The following CERS4 variants were observed in gnomAD, a reference collection of about 807,000 sequenced individuals.
CERS4 encodes LAG1 homolog, ceramide synthase 4.
In CERS4, 65 loss-of-function variants were observed where a neutral mutation model predicts 51.8. That is an observed-to-expected ratio of 1.26 (90% CI 1.03 to 1.54). The LOEUF (loss-of-function observed/expected upper bound fraction) is 1.54. Among genes scored for constraint, CERS4 ranks in the 40% most tolerant of loss-of-function variants. The pLI is 0.00. For synonymous variants in CERS4, 228 were observed against 208.4 expected (o/e 1.09, Z -0.81); for missense variants, 563 against 500.4 (o/e 1.13, Z -1.19).
intron 6 of CERS4, 61 bp from the exon 7 acceptor site, chr19:8,256,175 A>G: frequency 6.5e-7 from 1 of 1,542,120 alleles, no homozygotes; most frequent in Non-Finnish European, 8.8e-7. Context: ...AAGAGACCGC[A>G]GACCCAGGGT....
At chr19:8,246,482 C>A (rs1037880623) in intron 2 of CERS4, among the ~76,000 whole-genome samples, 1 of 151,500 alleles carries the variant, frequency 6.6e-6, no homozygotes. Flanking sequence ...CACCCGAGCC[C>A]GGGAGGTCAA....
chr19:8,255,748 G>A, intron 5 of CERS4, 23 bp downstream of exon 5: 1 of 1,609,406 alleles, frequency 6.2e-7, no homozygotes, highest in Non-Finnish European at 8.5e-7. Flanking sequence ...TGGGGCTTCT[G>A]GGGTGCAGGG....
At chr19:8,248,068 C>T (rs566973651) in intron 2 of CERS4, among the ~76,000 whole-genome samples, 20 of 152,218 alleles carry the variant, frequency 1.3e-4, no homozygotes, top group East Asian at 9.7e-4. Flanking sequence ...GCTCAGGTGG[C>T]GCCTCCTTAG....
At chr19:8,241,295 C>G (rs1302296933) in intron 2 of CERS4, 1 of 152,420 alleles carries the variant, frequency 6.6e-6, no homozygotes, top group African/African-American at 2.4e-5. Context: ...CTAGCAGTAA[C>G]TATCACAGTC....
chr19:8,234,542 A>ACT (rs1968152610), intron 2 of CERS4, among the ~76,000 whole-genome samples: 2 of 54,158 alleles, frequency 3.7e-5, no homozygotes, highest in African/African-American at 1.5e-4. Flanking sequence ...CCACCATTCT[A>ACT]TTTTTTTTTT....
chr19:8,232,889 ATTTTTTTTTTT>A (rs34774744), intron 2 of CERS4, among the ~76,000 whole-genome samples: 1,761 of 59,254 alleles, frequency 0.03, 52 homozygotes, highest in African/African-American at 0.11. Flanking sequence ...TGCCTCGCTG[ATTTTTTTTTTT>A]TTTTTTTTTT....
chr19:8,245,589 G>C (rs1182056178), intron 2 of CERS4, among the ~76,000 whole-genome samples: 2 of 151,328 alleles, frequency 1.3e-5, no homozygotes, highest in African/African-American at 4.9e-5. Flanking sequence ...ACCCAGGCTG[G>C]AGTGCAGTGG....
In CERS4 at chr19:8,256,223, C is replaced by T; in HGVS notation, c.469-13C>T. On this transcript the variant is annotated splice_polypyrimidine_tract_variant and intron_variant, in intron 6 of 11. Coordinates refer to ENST00000251363, the MANE Select transcript of CERS4 (RefSeq NM_024552.3). ...TCTCACCTCTGCACAGCCTGACACC[C>T]ATTTCCCTGCAGGAGTCATGGCTGT... 1 of 1,609,936 alleles carries T rather than the reference C, an allele frequency of 6.2e-7. No homozygotes were observed. Among genetic ancestry groups the T allele is most frequent in the Non-Finnish European group, 8.5e-7 (1 of 1,178,368 alleles).
chr19:8,259,562 A>C (rs1301751160), intron 10 of CERS4, among the ~76,000 whole-genome samples: 1 of 151,972 alleles, frequency 6.6e-6, no homozygotes, highest in Non-Finnish European at 1.5e-5. Context: ...CATCATGGGA[A>C]GTGTGGGCAG....
At chr19:8,228,724 T>TAAA (rs72528600) in intron 2 of CERS4, among the ~76,000 whole-genome samples, 2,168 of 150,204 alleles carry the variant, frequency 0.014, 40 homozygotes, top group African/African-American at 0.044. Context: ...CCACTCCTTA[T>TAAA]AAAAAAAAAT....
intron 2 of CERS4, among the ~76,000 whole-genome samples, chr19:8,249,420 C>T (rs949107896): frequency 7.9e-5 from 12 of 151,852 alleles, no homozygotes; most frequent in African/African-American, 2.7e-4. Context: ...ACACGCTGGC[C>T]GGAGCTGCCC....
intron 5 of CERS4, 35 bp from the exon 6 acceptor site, chr19:8,255,787 G>A (rs752181493): frequency 2.1e-5 from 33 of 1,592,204 alleles, no homozygotes; most frequent in Non-Finnish European, 2.8e-5. Context: ...CGGGGCGGGT[G>A]TCTGCTATTT....
intron 8 of CERS4, 56 bp downstream of exon 8, chr19:8,256,766 T>TG (rs1004189921): frequency 2.0e-5 from 32 of 1,587,234 alleles, no homozygotes; most frequent in East Asian, 4.5e-5. Context: ...GCTGGGGTGC[T>TG]GGGGGGTAGG....
intron 2 of CERS4, among the ~76,000 whole-genome samples, chr19:8,216,999 G>A (rs1018187874): frequency 7.9e-5 from 12 of 152,090 alleles, no homozygotes; most frequent in African/African-American, 2.9e-4. Context: ...CTTAACACAT[G>A]TCAGCTTCCC....
chr19:8,249,181 AGATGTTTG>A (rs1325019421), intron 2 of CERS4, among the ~76,000 whole-genome samples: 16 of 125,596 alleles, frequency 1.3e-4, no homozygotes, highest in East Asian at 2.4e-4. Context: ...GTGGGTGGAC[AGATGTTTG>A]GATGGGTGGA....
At chr19:8,225,564 C>T (rs1310017491) in intron 2 of CERS4, among the ~76,000 whole-genome samples, 1 of 151,762 alleles carries the variant, frequency 6.6e-6, no homozygotes, top group East Asian at 2.0e-4. Flanking sequence ...GCTGGGATTA[C>T]AGGTGCCCGC....
At chr19:8,244,740 T>G (rs1307932459) in intron 2 of CERS4, among the ~76,000 whole-genome samples, 1 of 152,104 alleles carries the variant, frequency 6.6e-6, no homozygotes, top group African/African-American at 2.4e-5. Context: ...GCTGGGAGTG[T>G]AAGATGGTGC....
intron 7 of CERS4, 50 bp from the exon 8 acceptor site, chr19:8,256,568 C>T (rs762667032): frequency 1.0e-5 from 16 of 1,541,630 alleles, no homozygotes; most frequent in South Asian, 4.7e-5. Context: ...TACCCCTGCC[C>T]GATTGGAGCC....
chr19:8,232,594 G>T (rs1968061809), intron 2 of CERS4, among the ~76,000 whole-genome samples: 1 of 151,938 alleles, frequency 6.6e-6, no homozygotes, highest in South Asian at 2.1e-4. Context: ...GCCCGGCCTA[G>T]AATTTTCTAC....
Sources: allele counts gnomAD v4.1 joint callset (sites outside exome capture counted in the v4.1 genomes callset), GRCh38; gene constraint gnomAD v4.1.1; transcripts MANE v1.5; gene names NCBI Gene and HGNC (gene_info 2026-07-23, HGNC 2026-07-21).